Variants in APOBEC3C observed in about 807,000 individuals in gnomAD.
APOBEC3C encodes the protein DNA dC->dU-editing enzyme APOBEC-3C.
APOBEC3C carries 14 observed loss-of-function variants against 20.6 expected under a neutral mutation model. The observed-to-expected ratio is 0.68, with a 90% CI of 0.45 to 1.06. The LOEUF is 1.06. APOBEC3C is among the 50% of genes least tolerant of loss of function. APOBEC3C has a pLI of 0.00. For synonymous variants in APOBEC3C, 98 were observed against 88.8 expected (o/e 1.10, Z -0.58); for missense variants, 244 against 241.9 (o/e 1.01, Z -0.06).
intron 2 of APOBEC3C, among the ~76,000 whole-genome samples, chr22:39,016,715 G>T (rs142779826): frequency 6.6e-6 from 1 of 152,322 alleles, no homozygotes; most frequent in East Asian, 1.9e-4. Flanking sequence ...GAAGCGGGGG[G>T]TGTTGTGTCC....
At chr22:39,016,453 A>G (rs1335047516) in intron 2 of APOBEC3C, among the ~76,000 whole-genome samples, 2 of 133,954 alleles carry the variant, frequency 1.5e-5, no homozygotes, top group East Asian at 4.4e-4. Flanking sequence ...TCCTGACCTC[A>G]TGATCCGCCC....
intron 2 of APOBEC3C, among the ~76,000 whole-genome samples, chr22:39,017,483 T>C (rs1347095700): frequency 6.6e-6 from 1 of 151,822 alleles, no homozygotes; most frequent in Admixed American, 6.6e-5. Flanking sequence ...AAAAAAATTA[T>C]TTAAAAAATT....
Position 39,014,938 on chromosome 22 carries a change from C to T in APOBEC3C, c.17+559C>T, listed in dbSNP as rs540988910. 6.6e-5 allele frequency among the ~76,000 whole-genome samples: 10 copies of T among 152,232 alleles called. No homozygotes were observed. The South Asian group carries it at 2.1e-3, about 32-fold the overall frequency. ...ACACAGGCTCCTCCTCTGTGAGCAC[C>T]GTTCACCTTTCAGAATGACACCTGC... is the stretch of plus-strand genomic sequence containing the variant. On this transcript the variant is annotated intron_variant, in intron 1 of 3. Coordinates refer to ENST00000361441, the MANE Select transcript of APOBEC3C (RefSeq NM_014508.3).
At position 39,018,467 on chromosome 22, in the gene APOBEC3C, G is replaced by C; in HGVS notation, c.*80G>C. On this transcript the variant is annotated 3_prime_UTR_variant, in exon 4 of 4. Transcript: ENST00000361441. ...CGGGCCTCCCCTCCACCCTGGACCC[G>C]CTCTGTTTCTGCCTGGTCATCCTGA... 2 of 1,511,838 alleles carry C rather than the reference G, an allele frequency of 1.3e-6. No homozygotes were observed. Among genetic ancestry groups the C allele is most frequent in the East Asian group, 2.3e-5 (1 of 43,800 alleles). The allele number at this position is 1,511,838 out of a possible 1,614,324, so 93.7% of individuals were successfully genotyped here.
intron 1 of APOBEC3C, 96 bp from the exon 2 acceptor site, chr22:39,015,499 C>T (rs1401152132): frequency 7.0e-7 from 1 of 1,433,246 alleles, no homozygotes; most frequent in Non-Finnish European, 9.5e-7. Flanking sequence ...AGGCCCAGAG[C>T]CCAGGGACGT....
rs749799582 is a variant in APOBEC3C, at chr22:39,018,275, A to T, written c.461A>T (p.Lys154Ile). 6.2e-7 allele frequency: 1 copy of T among 1,613,348 alleles called. No individual in the cohort carries two copies. Among genetic ancestry groups the T allele is most frequent in the Non-Finnish European group, 8.5e-7 (1 of 1,179,704 alleles). Residue 154 changes from lysine to isoleucine, a missense_variant, in exon 4 of 4, where the codon AAA (lysine) becomes ATA (isoleucine). Physicochemically the swap from Lys to Ile is moderately radical, Grantham distance 102 (BLOSUM62 -3). Coordinates refer to ENST00000361441, the MANE Select transcript of APOBEC3C (RefSeq NM_014508.3). The part of the protein sequence containing the change: ...AVEIMDYEDF[K>I]YCWENFVYND... ...TCTCCTTGTTTTTTCTCAGATTTTA[A>T]ATATTGTTGGGAAAACTTTGTGTAC...
chr22:39,014,509 T>A, intron 1 of APOBEC3C, 130 bp downstream of exon 1: 1 of 1,037,188 alleles, frequency 9.6e-7, no homozygotes, highest in Non-Finnish European at 1.4e-6. Flanking sequence ...GTTCCCCCGC[T>A]GCCCCCACTC....
In APOBEC3C at chr22:39,015,798, G is replaced by A. The variant is rs374836456; in HGVS notation, c.174+47G>A. 1,377 of 1,575,566 alleles carry A rather than the reference G, an allele frequency of 8.7e-4. 19 individuals carry two copies. Among genetic ancestry groups the A allele is most frequent in the Non-Finnish European group, 1.7e-4 (198 of 1,157,594 alleles). On this transcript the variant is annotated intron_variant, in intron 2 of 3. Transcript: ENST00000361441. ...CACCCTAAATAGGAGCTAAGCAGCT[G>A]GGAATGCAGAAAACGCAACAATAAG...
chr22:39,014,669 T>C (rs1055913022), intron 1 of APOBEC3C, among the ~76,000 whole-genome samples: 5 of 152,318 alleles, frequency 3.3e-5, no homozygotes, highest in Non-Finnish European at 7.4e-5. Flanking sequence ...GGAGGGTGCT[T>C]CCTCTGTGTG....
At position 39,014,357 on chromosome 22, in the gene APOBEC3C, C is replaced by T; in HGVS notation, c.-6C>T. Reference sequence around the variant, plus strand: ...GACAGGGACAAGCATATCTAAGAGGCTGAACATGAATCCACAGATCAGGTA... The same window carrying T: ...GACAGGGACAAGCATATCTAAGAGGTTGAACATGAATCCACAGATCAGGTA... On this transcript the variant is annotated 5_prime_UTR_variant, in exon 1 of 4. Transcript: ENST00000361441. 1 of 1,614,172 alleles carries T rather than the reference C, an allele frequency of 6.2e-7. No individual in the cohort carries two copies. Among genetic ancestry groups the T allele is most frequent in the Non-Finnish European group, 8.5e-7 (1 of 1,179,998 alleles).
chr22:39,014,555 G>A (rs933145077), intron 1 of APOBEC3C, among the ~76,000 whole-genome samples, 176 bp downstream of exon 1: 17 of 142,502 alleles, frequency 1.2e-4, no homozygotes, highest in East Asian at 4.7e-4. Flanking sequence ...GTGGTCCCAC[G>A]ACTGCTGCTT....
chr22:39,014,826 G>A (rs1055501935), intron 1 of APOBEC3C, among the ~76,000 whole-genome samples: 1 of 152,138 alleles, frequency 6.6e-6, no homozygotes, highest in Non-Finnish European at 1.5e-5. Flanking sequence ...AGGGTGTGGG[G>A]GAGGGAATGG....
chr22:39,019,907 G>A lies in APOBEC3C; in HGVS notation c.*1520G>A. On this transcript the variant is annotated 3_prime_UTR_variant, in exon 4 of 4. Coordinates refer to ENST00000361441, the MANE Select transcript of APOBEC3C (RefSeq NM_014508.3). ...TGCAACCTCCGCCTCCCGAGTTTAAGCGATTCTTCTGCTTCAGCCTCCCGA... is the reference window on the plus strand; with the variant it reads ...TGCAACCTCCGCCTCCCGAGTTTAAACGATTCTTCTGCTTCAGCCTCCCGA... The A allele has an allele frequency of 7.1e-6, 1 of 140,518 alleles. No homozygotes were observed. Among genetic ancestry groups the A allele is most frequent in the South Asian group, 2.3e-4 (1 of 4,366 alleles). 8.7% of individuals were successfully genotyped at this position (140,518 alleles called of 1,614,324 possible).
At chr22:39,017,019 G>A (rs1364325434) in intron 2 of APOBEC3C, among the ~76,000 whole-genome samples, 1 of 152,140 alleles carries the variant, frequency 6.6e-6, no homozygotes, top group Non-Finnish European at 1.5e-5. Context: ...GGATCATGAG[G>A]TTGGGAGTTC....
At chr22:39,018,196 C>A in intron 3 of APOBEC3C, 73 bp from the exon 4 acceptor site, 2 of 1,575,202 alleles carry the variant, frequency 1.3e-6, no homozygotes, top group South Asian at 1.2e-5. Context: ...GATACCTGGG[C>A]TGGGAGGGGA....
chr22:39,018,567 C>T lies in APOBEC3C; in HGVS notation c.*180C>T. ...TTCCTCCTCGCTCTTCCAGACTCTT[C>T]CTGCAGAGGCTCCTTTCTGCCTCCA... is the stretch of plus-strand genomic sequence containing the variant. On this transcript the variant is annotated 3_prime_UTR_variant, in exon 4 of 4. Transcript: ENST00000361441. 1.5e-6 allele frequency: 1 copy of T among 661,158 alleles called. No homozygotes were observed. Among genetic ancestry groups the T allele is most frequent in the Non-Finnish European group, 2.5e-6 (1 of 405,202 alleles). 41.0% of individuals were successfully genotyped at this position (661,158 alleles called of 1,614,324 possible). A position where few individuals can be genotyped will look rare whatever the true frequency, so the allele number is the denominator to read the frequency against.
intron 2 of APOBEC3C, 121 bp downstream of exon 2, chr22:39,015,872 CTA>C: frequency 1.5e-5 from 11 of 724,904 alleles, no homozygotes; most frequent in Non-Finnish European, 2.0e-5. Flanking sequence ...TGCCACATTT[CTA>C]TTTTTTTTTT....
intron 2 of APOBEC3C, 112 bp downstream of exon 2, chr22:39,015,863 G>T: frequency 3.2e-6 from 3 of 928,474 alleles, no homozygotes; most frequent in Non-Finnish European, 3.1e-6. Context: ...GCACTTTCCT[G>T]CCACATTTCT....
intron 1 of APOBEC3C, among the ~76,000 whole-genome samples, chr22:39,014,925 C>T (rs573731517): frequency 6.6e-6 from 1 of 152,202 alleles, no homozygotes; most frequent in African/African-American, 2.4e-5. Context: ...ACAGGCTCCT[C>T]CTCTGTGAGC....
Sources: gnomAD v4.1 joint callset for allele counts (sites outside exome capture counted in the v4.1 genomes callset) on GRCh38, gnomAD v4.1.1 for gene constraint, MANE v1.5 for transcripts, NCBI Gene and HGNC (gene_info 2026-07-23, HGNC 2026-07-21) for gene names.